CCDC171: variants seen among roughly 807,000 people sequenced by gnomAD.
CCDC171 encodes coiled-coil domain-containing protein 171.
A neutral mutation model predicts 168.2 loss-of-function variants in CCDC171; 177 were observed. The observed-to-expected ratio is 1.05, with a 90% CI of 0.93 to 1.19. CCDC171 has a LOEUF of 1.19. Among genes scored for constraint, CCDC171 ranks in the 50% most tolerant of loss-of-function variants. CCDC171 has a pLI of 0.00. For missense variants in CCDC171, 1,991 were observed against 1,539.0 expected, an observed-to-expected ratio of 1.29 and a Z score of -4.91; for synonymous variants, 687 against 540.8, an observed-to-expected ratio of 1.27 and a Z score of -3.75.
intron 21 of CCDC171, among the ~76,000 whole-genome samples, chr9:15,794,970 A>G (rs368487875): frequency 3.3e-5 from 5 of 152,240 alleles, no homozygotes; most frequent in East Asian, 3.8e-4. Flanking sequence ...GATTTTGCTA[A>G]CATGAAAGGA....
At chr9:15,663,031 T>A (rs894956332) in intron 8 of CCDC171, among the ~76,000 whole-genome samples, 5 of 151,942 alleles carry the variant, frequency 3.3e-5, no homozygotes, top group Non-Finnish European at 7.4e-5. Context: ...ACAAATTGCC[T>A]GATTAGATCC....
downstream of CCDC171, chr9:15,974,041 A>G (rs575767495): frequency 2.7e-4 from 41 of 152,244 alleles, no homozygotes; most frequent in African/African-American, 9.6e-4. Context: ...CTCCATATAT[A>G]TGGGTATCTA....
intron 18 of CCDC171, among the ~76,000 whole-genome samples, chr9:15,748,262 C>T (rs192854878): frequency 1.3e-5 from 2 of 151,752 alleles, no homozygotes; most frequent in African/African-American, 4.8e-5. Flanking sequence ...AACGAGAAGA[C>T]AAGATTAGAG....
intron 6 of CCDC171, among the ~76,000 whole-genome samples, chr9:16,027,427 C>T (rs955450411): frequency 6.6e-6 from 1 of 152,180 alleles, no homozygotes; most frequent in Non-Finnish European, 1.5e-5. Context: ...GCGTCTCCAC[C>T]ACTCAAGTCA....
At chr9:15,817,013 T>A (rs2059583650) in intron 21 of CCDC171, among the ~76,000 whole-genome samples, 1 of 117,644 alleles carries the variant, frequency 8.5e-6, no homozygotes, top group African/African-American at 3.2e-5. Flanking sequence ...TATAGTTATG[T>A]GTGTGTGTGT....
At chr9:16,093,349 C>T in the CCDC171 span, among the ~76,000 whole-genome samples, 1 of 152,170 alleles carries the variant, frequency 6.6e-6, no homozygotes, top group East Asian at 1.9e-4. Flanking sequence ...TTCCCACAGG[C>T]CACTGTGGAG....
intron 4 of CCDC171, among the ~76,000 whole-genome samples, chr9:15,587,106 C>G (rs1245539613): frequency 6.6e-6 from 1 of 152,216 alleles, no homozygotes; most frequent in Non-Finnish European, 1.5e-5. Flanking sequence ...AGCCACCATG[C>G]TCAGCCCCCA....
chr9:15,646,235 C>T (rs1033609942), intron 7 of CCDC171, among the ~76,000 whole-genome samples: 6 of 152,154 alleles, frequency 3.9e-5, no homozygotes, highest in Non-Finnish European at 7.3e-5. Flanking sequence ...CTTACAAGAG[C>T]TCCTGAAGGA....
chr9:15,591,269 C>A, intron 4 of CCDC171, 97 bp from the exon 5 acceptor site: 2 of 695,746 alleles, frequency 2.9e-6, no homozygotes, highest in Middle Eastern at 3.5e-4. Flanking sequence ...ATCCTAAGAT[C>A]ATGCTGTAAA....
At chr9:16,027,153 A>G (rs1833290647) in intron 6 of CCDC171, among the ~76,000 whole-genome samples, 1 of 152,200 alleles carries the variant, frequency 6.6e-6, no homozygotes, top group South Asian at 2.1e-4. Flanking sequence ...AATGAGCACA[A>G]ATGTTTAATT....
At chr9:15,976,607 T>G (rs1831627339), downstream of CCDC171, among the ~76,000 whole-genome samples, 1 of 151,898 alleles carries the variant, frequency 6.6e-6, no homozygotes, top group Non-Finnish European at 1.5e-5. Context: ...GAATCTTGAA[T>G]GAATTTATAT....
intron 4 of CCDC171, among the ~76,000 whole-genome samples, chr9:15,585,718 C>T (rs934593086): frequency 1.3e-5 from 2 of 152,098 alleles, no homozygotes; most frequent in African/African-American, 2.4e-5. Context: ...TGGCTCACAC[C>T]TGTAATCCCA....
rs186655768 is a variant in CCDC171 at position 15,992,360 on chromosome 9, C to T, written n.369-28229C>T. 9.2e-5 allele frequency among the ~76,000 whole-genome samples: 14 copies of T among 152,196 alleles called. No individual in the cohort carries two copies. The East Asian group carries it at 2.5e-3, about 27-fold the overall frequency. ...ATTATCTCAATAGATGCAGAAAAGG[C>T]CTTTGACAAAAGGCCTTTGACAAAA... On this transcript the variant is annotated intron_variant and non_coding_transcript_variant, in intron 3 of 9. Transcript: ENST00000486641.
intron 7 of CCDC171, among the ~76,000 whole-genome samples, chr9:15,627,068 T>C (rs1564081351): frequency 1.3e-5 from 2 of 152,214 alleles, no homozygotes; most frequent in South Asian, 4.1e-4. Flanking sequence ...TCGAGGAATT[T>C]ATCCATTTCT....
chr9:15,651,788 G>T (rs2047545513), intron 7 of CCDC171, among the ~76,000 whole-genome samples: 1 of 152,012 alleles, frequency 6.6e-6, no homozygotes, highest in Admixed American at 6.6e-5. Flanking sequence ...CTTTGCTATT[G>T]TGAATAGTGT....
intron 21 of CCDC171, among the ~76,000 whole-genome samples, chr9:15,814,266 G>A (rs2059473103): frequency 6.6e-6 from 1 of 152,104 alleles, no homozygotes; most frequent in African/African-American, 2.4e-5. Flanking sequence ...ATTTCTCCCA[G>A]TTAGTCTACA....
chr9:15,623,467 G>GCGCGCGCGCGCACGCGCGCGCA, intron 7 of CCDC171, 54 bp downstream of exon 7: 1 of 587,398 alleles, frequency 1.7e-6, no homozygotes, highest in East Asian at 4.4e-5. Context: ...TCACATATGC[G>GCGCGCGCGCGCACGCGCGCGCA]CGCGCGCGCA....
chr9:15,938,023 G>A (rs1007870453), intron 25 of CCDC171, among the ~76,000 whole-genome samples: 3 of 151,796 alleles, frequency 2.0e-5, no homozygotes, highest in Non-Finnish European at 2.9e-5. Flanking sequence ...TAGTAATCCC[G>A]TAATCTAAAT....
chr9:15,802,368 C>A (rs1471269065), intron 21 of CCDC171, among the ~76,000 whole-genome samples: 1 of 151,742 alleles, frequency 6.6e-6, no homozygotes, highest in Non-Finnish European at 1.5e-5. Context: ...GGTATTAAGC[C>A]CTGCATCCAT....
Sources: allele counts gnomAD v4.1 joint callset (sites outside exome capture counted in the v4.1 genomes callset), GRCh38; gene constraint gnomAD v4.1.1; transcripts MANE v1.5; gene names NCBI Gene and HGNC (gene_info 2026-07-23, HGNC 2026-07-21).